PTPRG: variants seen among roughly 807,000 people sequenced by gnomAD.
PTPRG encodes protein tyrosine phosphatase receptor type G.
PTPRG carries 102 observed loss-of-function variants against 165.3 expected under a neutral mutation model. That is an observed-to-expected ratio of 0.62 (90% CI 0.53 to 0.73). The LOEUF (loss-of-function observed/expected upper bound fraction) is 0.73, where lower values mean the gene tolerates loss of function less well. PTPRG is among the 30% of genes least tolerant of loss of function. The pLI, the probability that PTPRG is intolerant of heterozygous loss-of-function variation, is 0.00. For missense variants in PTPRG, 1,866 were observed against 1,861.4 expected, an observed-to-expected ratio of 1.00 and a Z score of -0.05; for synonymous variants, 675 against 669.5, an observed-to-expected ratio of 1.01 and a Z score of -0.13.
intron 2 of PTPRG, among the ~76,000 whole-genome samples, chr3:61,861,786 G>C (rs1465909523): frequency 6.6e-6 from 1 of 152,126 alleles, no homozygotes; most frequent in Non-Finnish European, 1.5e-5. Flanking sequence ...TGCTACAGTA[G>C]GGCACTTAAT....
At chr3:61,772,058 TAAAAAAAAAAAAAAA>T (rs71100977) in intron 2 of PTPRG, among the ~76,000 whole-genome samples, 1 of 64,782 alleles carries the variant, frequency 1.5e-5, no homozygotes, top group African/African-American at 6.2e-5. Flanking sequence ...AGACTCTGTC[TAAAAAAAAAAAAAAA>T]AAAAAAAAAA....
rs2106975598 is a variant in PTPRG at position 62,252,125 on chromosome 3, T to G, written c.2468-2999T>G. ...TTTATGCTTCTCCCACCACCACCAC[T>G]GCATCAGTGACATTTACTCCCACTG... On this transcript the variant is annotated intron_variant, in intron 15 of 29. Transcript: ENST00000474889. The surrounding 1 kb of genome is among the most constrained non-coding windows in gnomAD (Gnocchi z 4.6). Among the ~76,000 whole-genome samples, 1 of 152,284 alleles carries G rather than the reference T, an allele frequency of 6.6e-6. No individual in the cohort carries two copies. The highest frequency in any genetic ancestry group is 2.1e-4 in the South Asian group (1 of 4,822).
chr3:62,104,036 G>T (rs555596016), intron 5 of PTPRG, among the ~76,000 whole-genome samples: 2 of 152,294 alleles, frequency 1.3e-5, no homozygotes, highest in Admixed American at 6.5e-5. Flanking sequence ...TTAGCTCAGG[G>T]TCTAGAGTAT....
chr3:61,959,785 T>C (rs769051563), intron 2 of PTPRG, among the ~76,000 whole-genome samples: 1 of 152,228 alleles, frequency 6.6e-6, no homozygotes, highest in African/African-American at 2.4e-5. Flanking sequence ...CCCTAATGCT[T>C]GATCAGTGTC....
intron 6 of PTPRG, among the ~76,000 whole-genome samples, chr3:62,156,180 T>C (rs753201433): frequency 1.2e-4 from 18 of 152,348 alleles, no homozygotes; most frequent in Non-Finnish European, 2.6e-4. Flanking sequence ...TTACAATGTT[T>C]TTCTTTACCT....
chr3:62,002,327 C>G (rs1032692569), intron 3 of PTPRG, among the ~76,000 whole-genome samples: 3 of 152,144 alleles, frequency 2.0e-5, no homozygotes, highest in Non-Finnish European at 4.4e-5. Flanking sequence ...AAGTACTTTC[C>G]CATGGCTTAC....
intron 1 of PTPRG, among the ~76,000 whole-genome samples, chr3:61,707,234 A>G (rs1048743546): frequency 1.3e-5 from 2 of 152,246 alleles, no homozygotes; most frequent in Non-Finnish European, 2.9e-5. Context: ...ACCTATGATT[A>G]AATGCACAGA....
chr3:62,046,511 T>C (rs1700297752), intron 4 of PTPRG, among the ~76,000 whole-genome samples: 1 of 152,204 alleles, frequency 6.6e-6, no homozygotes, highest in African/African-American at 2.4e-5. Flanking sequence ...CCAAGTCTGA[T>C]AGGGCTTCTT....
At chr3:61,572,892 A>G (rs1432496817) in intron 1 of PTPRG, among the ~76,000 whole-genome samples, 2 of 152,194 alleles carry the variant, frequency 1.3e-5, no homozygotes, top group Non-Finnish European at 2.9e-5. Context: ...TTCCTGAGGG[A>G]CAGATTTTTT....
chr3:62,000,245 C>T (rs184060608), intron 3 of PTPRG, among the ~76,000 whole-genome samples: 122 of 148,620 alleles, frequency 8.2e-4, no homozygotes, highest in Middle Eastern at 6.8e-3. Flanking sequence ...CACATCATTG[C>T]GCTCCAGCCT....
chr3:61,825,407 A>G (rs914159345), intron 2 of PTPRG, among the ~76,000 whole-genome samples: 1 of 152,216 alleles, frequency 6.6e-6, no homozygotes, highest in African/African-American at 2.4e-5. Flanking sequence ...GATCCATAGA[A>G]ATTGTAAACA....
chr3:61,904,644 C>T lies in PTPRG; in HGVS notation c.191-84981C>T, dbSNP rs375332713. Among the ~76,000 whole-genome samples, 34 of 152,250 alleles carry T rather than the reference C, an allele frequency of 2.2e-4. 1 individual carries two copies. In the East Asian group the frequency reaches 3.3e-3, roughly 15 times the overall value. ...CTCTTACATAACAGCTGGGGTTTTT[C>T]ACTACATTTAAATTGTTACTCAGAA... On this transcript the variant is annotated intron_variant, in intron 2 of 29. Transcript: ENST00000474889.
At chr3:61,835,808 G>A (rs910845595) in intron 2 of PTPRG, among the ~76,000 whole-genome samples, 6 of 151,876 alleles carry the variant, frequency 4.0e-5, no homozygotes, top group Admixed American at 2.6e-4. Context: ...GGAGGCCGAG[G>A]TGGGTGGATC....
intron 2 of PTPRG, among the ~76,000 whole-genome samples, chr3:61,796,612 G>A (rs2035052229): frequency 6.6e-6 from 1 of 152,196 alleles, no homozygotes; most frequent in African/African-American, 2.4e-5. Context: ...TTGCCCCTTT[G>A]TGTTTGTTGC....
intron 8 of PTPRG, among the ~76,000 whole-genome samples, chr3:62,177,024 G>C (rs534708590): frequency 8.5e-5 from 13 of 152,218 alleles, no homozygotes; most frequent in African/African-American, 3.1e-4. Context: ...AACACTTTGG[G>C]AGGCCAAGGT....
intron 1 of PTPRG, among the ~76,000 whole-genome samples, chr3:61,609,931 G>C (rs1178886361): frequency 6.6e-6 from 1 of 151,544 alleles, no homozygotes; most frequent in African/African-American, 2.4e-5. Context: ...TTTCCAACAA[G>C]TTAACAATTA....
At chr3:61,771,070 T>G (rs2034192831) in intron 2 of PTPRG, 2 of 152,202 alleles carry the variant, frequency 1.3e-5, no homozygotes, top group Non-Finnish European at 2.9e-5. Flanking sequence ...ATTCATCTTT[T>G]GTACTTGGAG....
chr3:62,216,798 C>A (rs774297383), intron 12 of PTPRG, among the ~76,000 whole-genome samples: 7 of 152,206 alleles, frequency 4.6e-5, no homozygotes, highest in African/African-American at 7.2e-5. Context: ...CATCTGCCTT[C>A]CAATTCCCCA....
chr3:61,671,818 GC>G (rs1703004694), intron 1 of PTPRG, among the ~76,000 whole-genome samples: 1 of 138,550 alleles, frequency 7.2e-6, no homozygotes, highest in Non-Finnish European at 1.6e-5. Context: ...GGGCAGAGGG[GC>G]TCCTCACTTC....
Sources: gnomAD v4.1 joint callset for allele counts (sites outside exome capture counted in the v4.1 genomes callset) on GRCh38, gnomAD v4.1.1 for gene constraint, Gnocchi (gnomAD v3.1) non-coding constraint, MANE v1.5 for transcripts, NCBI Gene and HGNC (gene_info 2026-07-23, HGNC 2026-07-21) for gene names.